The following ANK1 variants were observed in gnomAD, a reference collection of about 807,000 sequenced individuals.
The protein encoded by ANK1 is ankyrin 1, also known as ankyrin-1.
Under a neutral mutation model 210.4 loss-of-function variants are expected in ANK1, and 51 were observed. The ratio of observed to expected loss-of-function variants is 0.24; its 90% CI spans 0.19 to 0.31. ANK1 has a LOEUF of 0.31. Ranked by LOEUF, ANK1 falls within the 10% of genes least tolerant of loss-of-function variation. The probability of loss-of-function intolerance (pLI) is 1.00; values close to 1 mark genes in which losing one functional copy is unlikely to be tolerated. For synonymous variants in ANK1, 967 were observed against 1,025.9 expected (o/e 0.94, Z 1.10); for missense variants, 2,051 against 2,504.4 (o/e 0.82, Z 3.86).
rs1399054520 is a variant in ANK1, at chr8:41,715,070, C to T, written c.1607G>A (p.Gly536Glu). The stretch of plus-strand genomic sequence containing the variant: ...GGCCGCCACGTGCAGAGGGGTAAAT[C>T]CTTTCTGAGGAGAAACAGGCTGTCA... The part of the protein sequence containing the change: ...EASQACMTKK[G>E]FTPLHVAAKY... The change falls in exon 15 of 43, where the codon GGA becomes GAA. Residue 536 changes from glycine (G) to glutamate (E), a missense_variant. Around this residue, in one of 6 missense-constraint regions of ANK1, gnomAD observed 1,413 missense variants for 1,707.4 expected, o/e 0.83. Coordinates refer to ENST00000289734, the MANE Select transcript of ANK1 (RefSeq NM_000037.4). 6.2e-7 allele frequency: 1 copy of T among 1,613,988 alleles called. No individual in the cohort carries two copies.
chr8:41,812,450 C>T (rs1297134781), intron 1 of ANK1, among the ~76,000 whole-genome samples: 2 of 152,170 alleles, frequency 1.3e-5, no homozygotes, highest in Non-Finnish European at 2.9e-5. Flanking sequence ...GGAAGGTCAA[C>T]GGAGGAAATG....
chr8:41,710,460 C>T (rs1227156851), intron 16 of ANK1, among the ~76,000 whole-genome samples: 1 of 152,220 alleles, frequency 6.6e-6, no homozygotes, highest in Non-Finnish European at 1.5e-5. Flanking sequence ...ACACAAATCC[C>T]TTGGGACCTT....
intron 1 of ANK1, among the ~76,000 whole-genome samples, chr8:41,844,813 T>C (rs563725157): frequency 6.6e-5 from 10 of 152,198 alleles, no homozygotes; most frequent in Non-Finnish European, 1.3e-4. Context: ...GAAGATGTGA[T>C]GTCTTGGTCC....
At chr8:41,672,941 T>C (rs1414505989) in intron 37 of ANK1, 29 bp from the exon 38 acceptor site, 11 of 1,575,530 alleles carry the variant, frequency 7.0e-6, no homozygotes, top group Non-Finnish European at 8.6e-6. Context: ...GGCAACATGC[T>C]CCAGCAGTGA....
chr8:41,842,754 G>C (rs1171511675), intron 1 of ANK1, among the ~76,000 whole-genome samples: 1 of 152,198 alleles, frequency 6.6e-6, no homozygotes, highest in Admixed American at 6.5e-5. Flanking sequence ...ATTGGAAGGC[G>C]TGGATTTGGG....
intron 1 of ANK1, among the ~76,000 whole-genome samples, chr8:41,811,224 T>C (rs1348754987): frequency 6.6e-6 from 1 of 152,196 alleles, no homozygotes; most frequent in Non-Finnish European, 1.5e-5. Context: ...TGAATGCAGC[T>C]TCAATCTCTG....
At chr8:41,866,180 T>C (rs1563932341) in intron 1 of ANK1, among the ~76,000 whole-genome samples, 1 of 151,836 alleles carries the variant, frequency 6.6e-6, no homozygotes, top group South Asian at 2.1e-4. Context: ...TAATTTTCTT[T>C]CTTTTTTTGG....
chr8:41,758,124 G>C lies in ANK1; in HGVS notation c.41C>G (p.Thr14Ser), dbSNP rs773205681. 4 of 1,613,858 alleles carry C rather than the reference G, an allele frequency of 2.5e-6. No individual in the cohort carries two copies. In the Admixed American group the frequency reaches 6.7e-5, roughly 27 times the overall value. Reference protein sequence around the residue: ...SVGFREADAATSFLRAARSGN... With the variant: ...SVGFREADAASSFLRAARSGN... ...TGATCTTGCTGCTCTCAGAAAGCTG[G>C]TAGCAGCATCGGCCTGTGAGGAAAA... The change falls in exon 2 of 43, where the codon ACC becomes AGC. Residue 14 changes from threonine to serine, a missense_variant. By Grantham distance (58) the Thr-to-Ser change is moderately conservative. Coordinates refer to ENST00000289734, the MANE Select transcript of ANK1 (RefSeq NM_000037.4).
intron 1 of ANK1, among the ~76,000 whole-genome samples, chr8:41,878,242 A>T (rs7004640): frequency 0.16 from 24,445 of 152,216 alleles, 2,050 homozygotes; most frequent in South Asian, 0.26. Flanking sequence ...CCGGGAAGAC[A>T]GTACCCGAAG....
At chr8:41,703,610 A>G (rs948962381) in intron 20 of ANK1, among the ~76,000 whole-genome samples, 1 of 150,902 alleles carries the variant, frequency 6.6e-6, no homozygotes, top group African/African-American at 2.4e-5. Context: ...CAGCCTCCCA[A>G]TTAGCTGGGA....
chr8:41,661,707 G>C (rs771262758), intron 41 of ANK1, 143 bp from the exon 42 acceptor site: 1 of 1,596,650 alleles, frequency 6.3e-7, no homozygotes, highest in Non-Finnish European at 8.5e-7. Flanking sequence ...AGCTCATAAA[G>C]AGGTGAGTGG....
chr8:41,848,275 C>G (rs1055679513), intron 1 of ANK1, among the ~76,000 whole-genome samples: 1 of 152,116 alleles, frequency 6.6e-6, no homozygotes, highest in Non-Finnish European at 1.5e-5. Context: ...TAGCACATTC[C>G]TCTGCATAAA....
At chr8:41,701,184 C>G (rs977882509) in intron 22 of ANK1, among the ~76,000 whole-genome samples, 1 of 152,176 alleles carries the variant, frequency 6.6e-6, no homozygotes, top group Non-Finnish European at 1.5e-5. Context: ...ACTTAGTATT[C>G]GTTCAAAGCA....
chr8:41,805,803 G>A lies in ANK1; in HGVS notation c.127-47666C>T, dbSNP rs1009093138. ...TCTGGCTTAAGAAAAAAACAGATACGTTCCCATATTGCCATCTACATCAAT... is the reference window on the plus strand; with the variant it reads ...TCTGGCTTAAGAAAAAAACAGATACATTCCCATATTGCCATCTACATCAAT... On this transcript the variant is annotated intron_variant, in intron 1 of 42. Coordinates refer to the ANK1 transcript ENST00000265709. Among the ~76,000 whole-genome samples, 11 of 152,138 alleles carry A rather than the reference G, an allele frequency of 7.2e-5. No individual in the cohort carries two copies. In the East Asian group the frequency reaches 9.6e-4, roughly 13 times the overall value.
intron 1 of ANK1, among the ~76,000 whole-genome samples, chr8:41,795,928 C>G (rs1033218744): frequency 6.6e-6 from 1 of 152,110 alleles, no homozygotes; most frequent in Admixed American, 6.6e-5. Context: ...GATACCAACA[C>G]GTAAAAATGA....
At chr8:41,730,364 G>A (rs1003076207) in intron 3 of ANK1, among the ~76,000 whole-genome samples, 1 of 152,200 alleles carries the variant, frequency 6.6e-6, no homozygotes, top group African/African-American at 2.4e-5. Context: ...TGGCACTTTG[G>A]GAGGCCAAGG....
chr8:41,841,809 C>T (rs1318676524), intron 1 of ANK1, among the ~76,000 whole-genome samples: 5 of 152,200 alleles, frequency 3.3e-5, no homozygotes, highest in African/African-American at 1.2e-4. Context: ...ATTTCCTCCT[C>T]AAAGGGTAAA....
At position 41,722,473 on chromosome 8, in the gene ANK1, C is replaced by T. The variant is rs1019773454; in HGVS notation, c.909+652G>A. Among the ~76,000 whole-genome samples, 18 of 152,332 alleles carry T rather than the reference C, an allele frequency of 1.2e-4. No individual in the cohort carries two copies. In the East Asian group the frequency reaches 2.9e-3, roughly 24 times the overall value. On this transcript the variant is annotated intron_variant, in intron 9 of 42. Transcript: ENST00000289734. The stretch of plus-strand genomic sequence containing the variant: ...CTCTGCTCTGACACAGCTCAATTCA[C>T]GGGGCAGAGGGCCCAGAGCAGGCAC...
chr8:41,798,937 C>G (rs1303591841), upstream of ANK1, among the ~76,000 whole-genome samples: 1 of 150,906 alleles, frequency 6.6e-6, no homozygotes, highest in Non-Finnish European at 1.5e-5. Context: ...GAGGGCACAG[C>G]TGCTGCGGAA....
Sources: allele counts gnomAD v4.1 joint callset (sites outside exome capture counted in the v4.1 genomes callset), GRCh38; gene constraint gnomAD v4.1.1; regional missense constraint gnomAD v4.1.1; transcripts MANE v1.5; gene names NCBI Gene and HGNC (gene_info 2026-07-23, HGNC 2026-07-21).